The following TNS3 variants were observed in gnomAD, a reference collection of about 807,000 sequenced individuals.
TNS3 encodes the protein tensin-3.
TNS3 carries 45 observed loss-of-function variants against 140.9 expected under a neutral mutation model. The ratio of observed to expected loss-of-function variants is 0.32; its 90% confidence interval spans 0.25 to 0.41. The LOEUF (loss-of-function observed/expected upper bound fraction) is 0.41, where lower values mean the gene tolerates loss of function less well. Ranked by LOEUF, TNS3 falls within the 10% of genes least tolerant of loss-of-function variation. The pLI is 1.00. For synonymous variants in TNS3, 815 were observed against 788.4 expected (o/e 1.03, Z -0.56); for missense variants, 1,716 against 1,906.7 (o/e 0.90, Z 1.86).
intron 9 of TNS3, 35 bp from the exon 10 acceptor site, chr7:47,424,219 A>G: frequency 1.2e-6 from 2 of 1,609,146 alleles, no homozygotes; most frequent in Non-Finnish European, 1.7e-6. Context: ...GAGTTAACTC[A>G]GTGGAGCCCA....
At chr7:47,381,103 G>C (rs893305836) in intron 16 of TNS3, among the ~76,000 whole-genome samples, 1 of 152,212 alleles carries the variant, frequency 6.6e-6, no homozygotes, top group Non-Finnish European at 1.5e-5. Flanking sequence ...AGCTCCTCCT[G>C]GGAGTCCCTC....
At position 47,506,948 on chromosome 7, in the gene TNS3, G is replaced by GAAA; in HGVS notation, c.-152-5_-152-4insTTT. 7.3e-6 allele frequency: 8 copies of GAAA among 1,093,628 alleles called. No homozygotes were observed. The highest frequency in any genetic ancestry group is 6.3e-5 in the African/African-American group (4 of 63,034). The allele number at this position is 1,093,628 out of a possible 1,614,324, so 67.7% of individuals were successfully genotyped here. A position where few individuals can be genotyped will look rare whatever the true frequency, so the allele number is the denominator to read the frequency against. ...TTGTGGCAGGAATACTTGCAGGCTG[G>GAAA]GAAAAAAAAAAAGAGAAAGAATGTG... On this transcript the variant is annotated splice_polypyrimidine_tract_variant and splice_region_variant and intron_variant, in intron 2 of 30. Transcript: ENST00000311160.
intron 3 of TNS3, among the ~76,000 whole-genome samples, chr7:47,504,899 G>A (rs1007405062): frequency 1.3e-5 from 2 of 152,312 alleles, no homozygotes; most frequent in East Asian, 1.9e-4. Context: ...AGGAATAAGA[G>A]CTTATCCATC....
At chr7:47,551,296 A>G (rs1295001132) in intron 1 of TNS3, among the ~76,000 whole-genome samples, 1 of 152,228 alleles carries the variant, frequency 6.6e-6, no homozygotes, top group African/African-American at 2.4e-5. Context: ...GCAGGTGGCT[A>G]GACCCTGGGC....
At position 47,293,710 on chromosome 7, in the gene TNS3, C is replaced by G. The variant is rs773053634; in HGVS notation, c.3772+23G>C. On this transcript the variant is annotated intron_variant, in intron 25 of 30. Coordinates refer to ENST00000311160, the MANE Select transcript of TNS3 (RefSeq NM_022748.12). ...AGGCCTCATGAGTTCAGAACATTGA[C>G]AGCAACCTCTCAAGCAACTCACCGA... 135 of 1,608,784 alleles carry G rather than the reference C, an allele frequency of 8.4e-5. No individual in the cohort carries two copies. In the Middle Eastern group the frequency reaches 2.5e-3, roughly 30 times the overall value.
chr7:47,296,824 G>A (rs1786052320), intron 24 of TNS3, among the ~76,000 whole-genome samples: 1 of 152,166 alleles, frequency 6.6e-6, no homozygotes, highest in African/African-American at 2.4e-5. Flanking sequence ...GGGCTTAGTG[G>A]ATGCCTTATC....
intron 3 of TNS3, among the ~76,000 whole-genome samples, chr7:47,503,082 A>G (rs1195954212): frequency 3.3e-5 from 5 of 152,114 alleles, no homozygotes; most frequent in African/African-American, 1.2e-4. Flanking sequence ...ACTCCTGCGC[A>G]TGTTCCCCTC....
chr7:47,279,931 G>A, intron 30 of TNS3: 1 of 592,594 alleles, frequency 1.7e-6, no homozygotes, highest in South Asian at 2.0e-5. Context: ...ATGCCACAGT[G>A]TTATATGACA....
At chr7:47,442,095 T>C (rs761229416) in intron 4 of TNS3, 40 bp from the exon 5 acceptor site, 33 of 1,227,228 alleles carry the variant, frequency 2.7e-5, no homozygotes, top group Non-Finnish European at 3.2e-5. Flanking sequence ...AAGTTTCCTT[T>C]CCTGCCAGTC....
chr7:47,468,983 T>G, intron 4 of TNS3, among the ~76,000 whole-genome samples: 1 of 152,148 alleles, frequency 6.6e-6, no homozygotes, highest in South Asian at 2.1e-4. Context: ...AAACAAGCAA[T>G]GGGGAAAGGA....
chr7:47,491,301 G>C (rs1212483725), intron 3 of TNS3, among the ~76,000 whole-genome samples: 7 of 152,232 alleles, frequency 4.6e-5, no homozygotes, highest in Admixed American at 4.6e-4. Flanking sequence ...TGACTGGACA[G>C]AACCGAAAAA....
At chr7:47,359,571 T>C (rs138284852) in intron 17 of TNS3, among the ~76,000 whole-genome samples, 13 of 152,344 alleles carry the variant, frequency 8.5e-5, no homozygotes, top group African/African-American at 2.9e-4. Context: ...TTCACCACAA[T>C]AAAAAATTAA....
intron 23 of TNS3, 118 bp from the exon 24 acceptor site, chr7:47,297,331 AC>A (rs959765133): frequency 1.4e-4 from 180 of 1,270,210 alleles, no homozygotes; most frequent in Non-Finnish European, 1.1e-4. Context: ...ATCAGTGGGG[AC>A]CTGGCCGGGA....
At chr7:47,516,111 G>A (rs1190610810) in intron 2 of TNS3, among the ~76,000 whole-genome samples, 1 of 152,164 alleles carries the variant, frequency 6.6e-6, no homozygotes, top group Non-Finnish European at 1.5e-5. Flanking sequence ...GTACACAAAG[G>A]GATCAAAATG....
chr7:47,340,606 G>T (rs1788954573), intron 20 of TNS3, among the ~76,000 whole-genome samples: 1 of 43,568 alleles, frequency 2.3e-5, no homozygotes, highest in South Asian at 6.2e-4. Flanking sequence ...TTTTGAGACA[G>T]AGTCTCACAC....
At position 47,305,001 on chromosome 7, in the gene TNS3, G is replaced by A. The variant is rs750461729; in HGVS notation, c.2653C>T (p.Pro885Ser). ...PASQHKGGREPRSCPETLTHA... is the reference protein window; with the variant it reads ...PASQHKGGRESRSCPETLTHA... ...GTGAGCGTCTCAGGGCAGCTTCGTG[G>A]TTCTGTAGCGGGAACACAGGAAGCA... Residue 885 changes from proline (P) to serine (S), a missense_variant and splice_region_variant, in exon 21 of 31, where the codon CCA becomes TCA. By Grantham distance (74) the Pro-to-Ser change is moderately conservative. Coordinates refer to ENST00000311160, the MANE Select transcript of TNS3 (RefSeq NM_022748.12). 18 of 1,345,736 alleles carry A rather than the reference G, an allele frequency of 1.3e-5. No individual in the cohort carries two copies. Among genetic ancestry groups the A allele is most frequent in the Non-Finnish European group, 1.5e-5 (16 of 1,037,568 alleles). The allele number at this position is 1,345,736 out of a possible 1,614,324, so 83.4% of individuals were successfully genotyped here.
intron 4 of TNS3, among the ~76,000 whole-genome samples, chr7:47,443,299 C>T (rs1795561279): frequency 6.6e-6 from 1 of 152,166 alleles, no homozygotes; most frequent in African/African-American, 2.4e-5. Flanking sequence ...AGCCTGGCAC[C>T]GCATGGCCAC....
At chr7:47,466,940 A>C (rs1796742038) in intron 4 of TNS3, among the ~76,000 whole-genome samples, 1 of 152,156 alleles carries the variant, frequency 6.6e-6, no homozygotes, top group Non-Finnish European at 1.5e-5. Context: ...ACCAAATCAG[A>C]ATGAGTTGGT....
intron 1 of TNS3, among the ~76,000 whole-genome samples, chr7:47,534,150 C>T (rs570853231): frequency 9.2e-5 from 14 of 151,852 alleles, no homozygotes; most frequent in East Asian, 3.9e-4. Flanking sequence ...GGCGGGCACC[C>T]GTAATCCCAG....
Sources: gnomAD v4.1 joint callset for allele counts (sites outside exome capture counted in the v4.1 genomes callset) on GRCh38, gnomAD v4.1.1 for gene constraint, MANE v1.5 for transcripts, NCBI Gene and HGNC (gene_info 2026-07-23, HGNC 2026-07-21) for gene names.